BAIAP2: variants seen among roughly 807,000 people sequenced by gnomAD.
BAIAP2 encodes the protein BAR/IMD domain containing adaptor protein 2.
Under a neutral mutation model 63.0 loss-of-function variants are expected in BAIAP2, and 18 were observed. The observed-to-expected ratio is 0.29, with a 90% confidence interval of 0.20 to 0.42. The LOEUF is 0.42. Among genes scored for constraint, BAIAP2 ranks in the 10% least tolerant of loss-of-function variants. The pLI is 1.00. For missense variants in BAIAP2, 610 were observed against 734.3 expected (o/e 0.83, Z 1.96); for synonymous variants, 386 against 307.6 (o/e 1.25, Z -2.67).
At chr17:81,093,698 C>T (rs2057181663) in intron 6 of BAIAP2, among the ~76,000 whole-genome samples, 1 of 152,138 alleles carries the variant, frequency 6.6e-6, no homozygotes, top group Admixed American at 6.5e-5. Context: ...CCCCCCATCT[C>T]TGGGTGTGCG....
intron 9 of BAIAP2, 28 bp from the exon 10 acceptor site, chr17:81,104,486 T>A: frequency 6.4e-7 from 1 of 1,562,106 alleles, no homozygotes; most frequent in Non-Finnish European, 8.7e-7. Context: ...CCAGGGGCAG[T>A]CCCCTTACCT....
chr17:81,075,749 A>G lies in BAIAP2; in HGVS notation c.218-9083A>G, dbSNP rs547043410. ...CCAGGTAGGGGCCACTTAGAACACT[A>G]TGGCAGCCTTTGGTGGGCCTCAAGT... On this transcript the variant is annotated intron_variant, in intron 3 of 13. Transcript: ENST00000428708. Among the ~76,000 whole-genome samples, 7 of 152,164 alleles carry G rather than the reference A, an allele frequency of 4.6e-5. No individual in the cohort carries two copies. The South Asian group carries it at 1.5e-3, about 32-fold the overall frequency.
chr17:81,098,808 G>A (rs2058063614), intron 6 of BAIAP2, among the ~76,000 whole-genome samples: 2 of 152,242 alleles, frequency 1.3e-5, no homozygotes, highest in Non-Finnish European at 2.9e-5. Context: ...AAGGGCTGCC[G>A]AGCGGCTGAC....
intron 3 of BAIAP2, among the ~76,000 whole-genome samples, chr17:81,075,437 G>A (rs890015809): frequency 4.6e-5 from 7 of 152,186 alleles, no homozygotes; most frequent in South Asian, 2.1e-4. Flanking sequence ...CTCGGCCGTC[G>A]CCTCAAGTGG....
intron 7 of BAIAP2, 37 bp downstream of exon 7, chr17:81,100,117 G>A (rs1328237759): frequency 5.1e-6 from 8 of 1,579,234 alleles, no homozygotes; most frequent in Non-Finnish European, 6.9e-6. Context: ...CCGGCGCTGG[G>A]CCTTGCTGGC....
At chr17:81,082,625 G>T (rs1041126159) in intron 3 of BAIAP2, among the ~76,000 whole-genome samples, 1 of 152,342 alleles carries the variant, frequency 6.6e-6, no homozygotes, top group South Asian at 2.1e-4. Flanking sequence ...TCACCTCTGG[G>T]TCCCCTCAGG....
chr17:81,071,669 G>A (rs1177506932), intron 3 of BAIAP2, among the ~76,000 whole-genome samples: 13 of 152,242 alleles, frequency 8.5e-5, no homozygotes, highest in East Asian at 1.9e-4. Context: ...AGCAGCGCCC[G>A]TCCGTCCCTG....
At chr17:81,096,516 G>C (rs1457742753) in intron 6 of BAIAP2, among the ~76,000 whole-genome samples, 1 of 152,214 alleles carries the variant, frequency 6.6e-6, no homozygotes, top group African/African-American at 2.4e-5. Flanking sequence ...GGACCCTGCA[G>C]GCGGCCTTGG....
intron 13 of BAIAP2, among the ~76,000 whole-genome samples, 191 bp from the exon 14 acceptor site, chr17:81,115,578 AG>A (rs2060459382): frequency 6.6e-6 from 1 of 152,190 alleles, no homozygotes; most frequent in Admixed American, 6.5e-5. Context: ...CTTGGGGGTC[AG>A]GCAGCCTTGC....
Position 81,116,447 on chromosome 17 carries a change from C to G in BAIAP2, c.*608C>G, listed in dbSNP as rs1463335942. 3 of 1,143,892 alleles carry G rather than the reference C, an allele frequency of 2.6e-6. No individual in the cohort carries two copies. The highest frequency in any genetic ancestry group is 3.7e-6 in the Non-Finnish European group (3 of 818,212). 70.9% of individuals were successfully genotyped at this position (1,143,892 alleles called of 1,614,324 possible). On this transcript the variant is annotated 3_prime_UTR_variant, in exon 14 of 14. Coordinates refer to ENST00000428708, the MANE Select transcript of BAIAP2 (RefSeq NM_001144888.2). ...ATGTCACAAGGGCCTCCCCAGGCCC[C>G]TCCTGCCTCGGGCAGGCCCCAGCCC...
At chr17:81,036,816 T>C in intron 1 of BAIAP2, 3 of 1,468,576 alleles carry the variant, frequency 2.0e-6, no homozygotes, top group Non-Finnish European at 2.8e-6. Flanking sequence ...GGGAGGTTTA[T>C]TAAATTATTA....
intron 1 of BAIAP2, among the ~76,000 whole-genome samples, chr17:81,039,685 G>T (rs1462665482): frequency 6.6e-6 from 1 of 152,162 alleles, no homozygotes; most frequent in African/African-American, 2.4e-5. Flanking sequence ...AGTGGGTGGG[G>T]GCTGCTGGGA....
intron 6 of BAIAP2, among the ~76,000 whole-genome samples, chr17:81,087,304 G>C (rs910766333): frequency 6.6e-6 from 1 of 152,210 alleles, no homozygotes; most frequent in Non-Finnish European, 1.5e-5. Flanking sequence ...GGTGAAGCCC[G>C]GGCCTCCAGG....
intron 3 of BAIAP2, among the ~76,000 whole-genome samples, chr17:81,079,183 T>C (rs2054190518): frequency 6.6e-6 from 1 of 152,184 alleles, no homozygotes; most frequent in Non-Finnish European, 1.5e-5. Flanking sequence ...ACTCAGGTGC[T>C]GTTTTCCTTG....
At chr17:81,047,594 C>T (rs926107868) in intron 1 of BAIAP2, among the ~76,000 whole-genome samples, 13 of 150,204 alleles carry the variant, frequency 8.7e-5, no homozygotes, top group African/African-American at 2.0e-4. Flanking sequence ...ACAGCACACA[C>T]GGGTCCACGT....
chr17:81,085,862 T>C lies in BAIAP2; in HGVS notation c.351+137T>C, dbSNP rs148012120. 5.1e-4 allele frequency: 352 copies of C among 685,004 alleles called. 4 individuals are homozygous for C. The East Asian group carries it at 9.1e-3, about 18-fold the overall frequency. The allele number at this position is 685,004 out of a possible 1,614,324, so 42.4% of individuals were successfully genotyped here. A position where few individuals can be genotyped will look rare whatever the true frequency, so the allele number is the denominator to read the frequency against. ...TCCACATGGGCCCCAGCTCTGACTT[T>C]ATTGTCCATTTGGGACCGAGTGCCC... On this transcript the variant is annotated intron_variant, in intron 5 of 13. Coordinates refer to ENST00000428708, the MANE Select transcript of BAIAP2 (RefSeq NM_001144888.2).
chr17:81,067,076 A>G (rs535835361), intron 3 of BAIAP2, among the ~76,000 whole-genome samples: 11 of 152,326 alleles, frequency 7.2e-5, no homozygotes, highest in Admixed American at 7.2e-4. Flanking sequence ...TGCAGATGAG[A>G]GGGAAGCGAG....
chr17:81,097,160 C>T (rs932779445), intron 6 of BAIAP2, among the ~76,000 whole-genome samples: 4 of 152,206 alleles, frequency 2.6e-5, no homozygotes, highest in Non-Finnish European at 1.5e-5. Context: ...GGCCCTACAG[C>T]GCCTCTGGAG....
intron 3 of BAIAP2, among the ~76,000 whole-genome samples, chr17:81,074,617 G>A (rs1169969371): frequency 6.7e-6 from 1 of 148,894 alleles, no homozygotes; most frequent in African/African-American, 2.5e-5. Context: ...GGATGCGTGA[G>A]TGCCTGTGTG....
Sources: allele counts gnomAD v4.1 joint callset (sites outside exome capture counted in the v4.1 genomes callset), GRCh38; gene constraint gnomAD v4.1.1; transcripts MANE v1.5; gene names NCBI Gene and HGNC (gene_info 2026-07-23, HGNC 2026-07-21).